The following FAM167A variants were observed in gnomAD, a reference collection of about 807,000 sequenced individuals.
FAM167A encodes family with sequence similarity 167 member A.
Under a neutral mutation model 14.9 loss-of-function variants are expected in FAM167A, and 23 were observed. That is an observed-to-expected ratio of 1.55 (90% confidence interval 1.11 to 2.19). The LOEUF (loss-of-function observed/expected upper bound fraction) is 2.19, where lower values mean the gene tolerates loss of function less well. Among genes scored for constraint, FAM167A ranks in the 30% most tolerant of loss-of-function variants. The pLI, the probability that FAM167A is intolerant of heterozygous loss-of-function variation, is 0.00. For missense variants in FAM167A, 401 were observed against 281.5 expected, an observed-to-expected ratio of 1.42 and a Z score of -3.04; for synonymous variants, 174 against 117.7, an observed-to-expected ratio of 1.48 and a Z score of -3.10.
intron 1 of FAM167A, among the ~76,000 whole-genome samples, chr8:11,455,891 CAGAG>C (rs1204927329): frequency 5.2e-5 from 3 of 57,228 alleles, no homozygotes; most frequent in East Asian, 6.5e-4. Flanking sequence ...GGTTGCCTTG[CAGAG>C]TGTGAGTGTG....
At chr8:11,462,175 G>T (rs535340424) in intron 1 of FAM167A, among the ~76,000 whole-genome samples, 1 of 152,222 alleles carries the variant, frequency 6.6e-6, no homozygotes, top group Non-Finnish European at 1.5e-5. Context: ...GAAGCCTCCC[G>T]GGTTCACACC....
chr8:11,426,943 C>T (rs1303591777), intron 2 of FAM167A, among the ~76,000 whole-genome samples: 1 of 152,140 alleles, frequency 6.6e-6, no homozygotes, highest in Non-Finnish European at 1.5e-5. Flanking sequence ...GTCCTTTGTC[C>T]CGCACCTGAG....
chr8:11,448,677 C>A (rs978730620), intron 1 of FAM167A, among the ~76,000 whole-genome samples: 1 of 152,234 alleles, frequency 6.6e-6, no homozygotes, highest in Non-Finnish European at 1.5e-5. Context: ...AGGGAGAGAA[C>A]AGCTCCACTT....
Position 11,426,715 on chromosome 8 carries a change from T to C in FAM167A, c.382-2079A>G, listed in dbSNP as rs117572132. Among the ~76,000 whole-genome samples, 549 of 152,290 alleles carry C rather than the reference T, an allele frequency of 3.6e-3. 2 individuals are homozygous for C. The highest frequency in any genetic ancestry group is 5.8e-3 in the Non-Finnish European group (396 of 68,024). ...GTGTAGGTAGATAAGAGACAAACGA[T>C]TGCATTCTTTTGGGTCTTTGATCAG... is the stretch of plus-strand genomic sequence containing the variant. On this transcript the variant is annotated intron_variant, in intron 2 of 2. Coordinates refer to ENST00000284486, the MANE Select transcript of FAM167A (RefSeq NM_053279.3).
intron 1 of FAM167A, among the ~76,000 whole-genome samples, chr8:11,452,604 C>G (rs1341342837): frequency 1.3e-5 from 2 of 152,210 alleles, no homozygotes; most frequent in Non-Finnish European, 2.9e-5. Context: ...CTCCACCCCA[C>G]GAGGTTGCCT....
chr8:11,440,134 C>T (rs1024407198), intron 2 of FAM167A, among the ~76,000 whole-genome samples: 9 of 152,188 alleles, frequency 5.9e-5, no homozygotes, highest in South Asian at 4.1e-4. Context: ...AGCTGCACAA[C>T]GGCCACTCCC....
intron 1 of FAM167A, among the ~76,000 whole-genome samples, chr8:11,472,751 G>C (rs968471279): frequency 6.6e-6 from 1 of 152,252 alleles, no homozygotes; most frequent in East Asian, 1.9e-4. Flanking sequence ...TTACTAACTG[G>C]AACTTTGTCA....
intron 1 of FAM167A, among the ~76,000 whole-genome samples, chr8:11,460,538 G>GT (rs1050373941): frequency 1.2e-4 from 18 of 152,230 alleles, no homozygotes; most frequent in African/African-American, 4.3e-4. Flanking sequence ...GCAGAGCCCG[G>GT]TTTGCAGTGT....
intron 1 of FAM167A, among the ~76,000 whole-genome samples, chr8:11,452,186 C>G (rs1240207555): frequency 6.6e-6 from 1 of 152,194 alleles, no homozygotes; most frequent in Non-Finnish European, 1.5e-5. Flanking sequence ...CTGAGTCTGT[C>G]CACATGCAGA....
At chr8:11,458,732 G>A (rs900645159) in intron 1 of FAM167A, among the ~76,000 whole-genome samples, 1 of 152,032 alleles carries the variant, frequency 6.6e-6, no homozygotes, top group Non-Finnish European at 1.5e-5. Context: ...AGAGTCTGGA[G>A]AAAGCCCGTC....
intron 2 of FAM167A, 63 bp downstream of exon 2, chr8:11,443,968 A>G: frequency 1.3e-6 from 2 of 1,545,722 alleles, no homozygotes; most frequent in Non-Finnish European, 8.7e-7. Context: ...GAGAGACAGA[A>G]AAAGACACAG....
At position 11,444,278 on chromosome 8, in the gene FAM167A, G is replaced by T. The variant is rs1473183580; in HGVS notation, c.134C>A (p.Ser45Tyr). 2.5e-6 allele frequency: 4 copies of T among 1,611,220 alleles called. No individual in the cohort carries two copies. In the African/African-American group the frequency reaches 5.3e-5, roughly 22 times the overall value. ...CAGCCTGGCCTGCCATTCCAGGTAG[G>T]AGGGCCTGCGGGTCTCCAGCCTCAG... ...EKLRLETRRP[S>Y]YLEWQARLEE... Residue 45 changes from serine to tyrosine, a missense_variant, in exon 2 of 3, where the codon TCC (serine) becomes TAC (tyrosine). By Grantham distance (144) the Ser-to-Tyr change is moderately radical. Coordinates refer to ENST00000284486, the MANE Select transcript of FAM167A (RefSeq NM_053279.3).
At chr8:11,443,952 G>A (rs1484227465) in intron 2 of FAM167A, 79 bp downstream of exon 2, 5 of 1,505,586 alleles carry the variant, frequency 3.3e-6, no homozygotes, top group East Asian at 2.3e-5. Flanking sequence ...TGGGGAGACA[G>A]ACAGAGAGAG....
At chr8:11,446,023 A>C (rs1806764445) in intron 1 of FAM167A, among the ~76,000 whole-genome samples, 1 of 149,434 alleles carries the variant, frequency 6.7e-6, no homozygotes, top group African/African-American at 2.4e-5. Flanking sequence ...GGCCAAAAAA[A>C]AAAAAAAAAA....
chr8:11,469,511 T>G (rs1014186575), upstream of FAM167A, among the ~76,000 whole-genome samples: 16 of 152,154 alleles, frequency 1.1e-4, no homozygotes, highest in African/African-American at 3.6e-4. Flanking sequence ...TTTCCGTTGG[T>G]GCATGATGCA....
At chr8:11,445,181 T>G in intron 1 of FAM167A, 2 of 983,534 alleles carry the variant, frequency 2.0e-6, no homozygotes, top group African/African-American at 3.5e-5. Flanking sequence ...GGGGACAAGC[T>G]CAGGCTGTCT....
intron 2 of FAM167A, among the ~76,000 whole-genome samples, chr8:11,425,782 TGGTATAGCGTCACATAACA>T (rs144647470): frequency 0.067 from 10,142 of 152,232 alleles, 368 homozygotes; most frequent in South Asian, 0.1. Flanking sequence ...TTCCTGCCTC[TGGTATAGCGTCACATAACA>T]GGTAGCAAAC....
At position 11,457,232 on chromosome 8, in the gene FAM167A, T is replaced by C. The variant is rs143818730; in HGVS notation, c.-398+9394A>G. 2.1e-3 allele frequency among the ~76,000 whole-genome samples: 317 copies of C among 152,040 alleles called. 2 individuals carry two copies. The highest frequency in any genetic ancestry group is 7.4e-3 in the African/African-American group (306 of 41,430). On this transcript the variant is annotated intron_variant, in intron 1 of 2. Coordinates refer to ENST00000284486, the MANE Select transcript of FAM167A (RefSeq NM_053279.3). ...TCTACCCTGCCGGGTAAGCATTCCCTCTGGCACATGTCCAGCCAGGACAGC... is the reference window on the plus strand; with the variant it reads ...TCTACCCTGCCGGGTAAGCATTCCCCCTGGCACATGTCCAGCCAGGACAGC...
upstream of FAM167A, chr8:11,466,856 T>C (rs1376159847): frequency 6.6e-6 from 1 of 152,140 alleles, no homozygotes; most frequent in East Asian, 1.9e-4. Context: ...TTCACCGCGA[T>C]CCCGGCCTCG....
Sources: gnomAD v4.1 joint callset for allele counts (sites outside exome capture counted in the v4.1 genomes callset) on GRCh38, gnomAD v4.1.1 for gene constraint, MANE v1.5 for transcripts, NCBI Gene and HGNC (gene_info 2026-07-23, HGNC 2026-07-21) for gene names.